The following CETN2 variants were observed in gnomAD, a reference collection of about 807,000 sequenced individuals.
CETN2 encodes the protein centrin 2.
In CETN2, 2 loss-of-function variants were observed where a neutral mutation model predicts 12.6. The ratio of observed to expected loss-of-function variants is 0.16; its 90% CI spans 0.07 to 0.50. The LOEUF (loss-of-function observed/expected upper bound fraction) is 0.50. Among genes scored for constraint, CETN2 ranks in the 20% least tolerant of loss-of-function variants. CETN2 has a pLI of 0.96. For missense variants in CETN2, 81 were observed against 128.3 expected (o/e 0.63, Z 1.78); for synonymous variants, 41 against 43.4 (o/e 0.94, Z 0.22).
Position 152,828,660 on chromosome X carries a change from A to G in CETN2, c.306T>C (p.Thr102=), listed in dbSNP as rs782715460. The G allele has an allele frequency of 6.6e-6, 8 of 1,209,494 alleles. No homozygotes were observed. Among genetic ancestry groups the G allele is most frequent in the Non-Finnish European group, 8.9e-6 (8 of 893,974 alleles). The change falls in exon 4 of 5, where the codon ACT becomes ACC. Residue 102 remains threonine (T), a synonymous_variant. Coordinates refer to ENST00000370277, the MANE Select transcript of CETN2 (RefSeq NM_004344.3). The part of the protein sequence containing the change: ...VMTQKMSEKD[T]KEEILKAFKL... The stretch of plus-strand genomic sequence containing the variant: ...TGAAAGCTTTCAGGATTTCTTCTTT[A>G]GTATCTTTCTCAGACTTAACAAGTA...
Position 152,827,840 on chromosome X carries a change from C to A in CETN2, c.*1G>T, listed in dbSNP as rs1556842797. On this transcript the variant is annotated 3_prime_UTR_variant, in exon 5 of 5. Transcript: ENST00000370277. ...TGCAGTAGAAAAAGAAGACACTGATCTTAATAGAGGCTGGTCTTTTTCATG... is the reference window on the plus strand; with the variant it reads ...TGCAGTAGAAAAAGAAGACACTGATATTAATAGAGGCTGGTCTTTTTCATG... 1 of 1,203,036 alleles carries A rather than the reference C, an allele frequency of 8.3e-7. No homozygotes were observed. Among genetic ancestry groups the A allele is most frequent in the African/African-American group, 1.7e-5 (1 of 57,567 alleles).
chrX:152,827,118 C>A lies in CETN2; in HGVS notation c.*723G>T, dbSNP rs1556842706. Reference sequence around the variant, plus strand: ...AACTATTTTTAGAGCATCATTTAGGCTTAGGTGATATAAAAATTCTGCTAG... The same window carrying A: ...AACTATTTTTAGAGCATCATTTAGGATTAGGTGATATAAAAATTCTGCTAG... On this transcript the variant is annotated 3_prime_UTR_variant, in exon 5 of 5. Transcript: ENST00000370277. 1.8e-5 allele frequency: 2 copies of A among 112,550 alleles called. No homozygotes were observed. The highest frequency in any genetic ancestry group is 6.5e-5 in the African/African-American group (2 of 30,970). 9.3% of individuals were successfully genotyped at this position (112,550 alleles called of 1,213,427 possible). A position where few individuals can be genotyped will look rare whatever the true frequency, so the allele number is the denominator to read the frequency against.
chrX:152,830,223 T>C (rs980148033), intron 1 of CETN2, among the ~76,000 whole-genome samples: 18 of 113,568 alleles, frequency 1.6e-4, no homozygotes, highest in Non-Finnish European at 1.5e-4. Flanking sequence ...ATTGTGTCAG[T>C]ACCGAGTAAT....
At chrX:152,830,606 C>T (rs1219834121) in intron 1 of CETN2, 102 bp downstream of exon 1, 4 of 997,360 alleles carry the variant, frequency 4.0e-6, no homozygotes, top group African/African-American at 3.9e-5. Flanking sequence ...AAGACTGGTG[C>T]GCTAAAGCCG....
chrX:152,829,648 A>C lies in CETN2; in HGVS notation c.116T>G (p.Leu39Arg). 8.3e-7 allele frequency: 1 copy of C among 1,203,999 alleles called. No individual in the cohort carries two copies. The highest frequency in any genetic ancestry group is 1.7e-5 in the African/African-American group (1 of 57,704). Reference protein sequence around the residue: ...QKQEIREAFDLFDADGTGTID... With the variant: ...QKQEIREAFDRFDADGTGTID... Reference sequence around the variant, plus strand: ...GGTGCCAGTTCCATCCGCATCGAAAAGATCAAAAGCTTCCCGGATCTCCTG... The same window carrying C: ...GGTGCCAGTTCCATCCGCATCGAAACGATCAAAAGCTTCCCGGATCTCCTG... Residue 39 changes from leucine to arginine, a missense_variant, in exon 2 of 5, where the codon CTT (leucine) becomes CGT (arginine). By Grantham distance (102) the Leu-to-Arg change is moderately radical. Transcript: ENST00000370277.
In CETN2 at chrX:152,827,414, TA is replaced by T. The variant is rs1253718866; in HGVS notation, c.*426del. On this transcript the variant is annotated 3_prime_UTR_variant, in exon 5 of 5. Coordinates refer to ENST00000370277, the MANE Select transcript of CETN2 (RefSeq NM_004344.3). ...CCAGTGCAGGAGTTCACTGGGTTTA[TA>T]AAAGAGAAAACTAAACTCAAGTGTC... The T allele has an allele frequency of 8.2e-6, 1 of 121,248 alleles. No homozygotes were observed. Among genetic ancestry groups the T allele is most frequent in the African/African-American group, 3.2e-5 (1 of 31,371 alleles). The allele number at this position is 121,248 out of a possible 1,213,427, so 10.0% of individuals were successfully genotyped here. A position where few individuals can be genotyped will look rare whatever the true frequency, so the allele number is the denominator to read the frequency against.
chrX:152,830,040 C>A (rs1010782797), intron 1 of CETN2, among the ~76,000 whole-genome samples: 13 of 111,775 alleles, frequency 1.2e-4, no homozygotes, highest in Non-Finnish European at 7.5e-5. Flanking sequence ...GAGAGCCAGT[C>A]AAGAAGATGA....
chrX:152,828,892 T>C, intron 3 of CETN2: 1 of 439,631 alleles, frequency 2.3e-6, no homozygotes, highest in Non-Finnish European at 3.9e-6. Flanking sequence ...TACCTATCGC[T>C]ATATCTCTCC....
At position 152,830,750 on chromosome X, in the gene CETN2, T is replaced by C; in HGVS notation, c.-40A>G. 8.7e-7 allele frequency: 1 copy of C among 1,150,086 alleles called. No homozygotes were observed. The highest frequency in any genetic ancestry group is 3.3e-4 in the Middle Eastern group (1 of 3,038). The allele number at this position is 1,150,086 out of a possible 1,213,427, so 94.8% of individuals were successfully genotyped here. ...GCTGCCGGTTGTTAGGCAACCGACG[T>C]GTACACTGACTCGGCGCCGTTCCCA... On this transcript the variant is annotated 5_prime_UTR_variant, in exon 1 of 5. Transcript: ENST00000370277.
At chrX:152,829,556 G>A (rs782226155) in intron 2 of CETN2, 46 bp downstream of exon 2, 1 of 1,147,735 alleles carries the variant, frequency 8.7e-7, no homozygotes, top group Admixed American at 2.6e-5. Context: ...ACAAGGAAGA[G>A]GCAGAGGAAA....
intron 3 of CETN2, 138 bp downstream of exon 3, chrX:152,829,011 A>C (rs1932975964): frequency 2.8e-6 from 2 of 717,553 alleles, no homozygotes; most frequent in Non-Finnish European, 4.1e-6. Flanking sequence ...CCAAAGTAAC[A>C]TGATGGGAGG....
chrX:152,829,181 C>T lies in CETN2; in HGVS notation c.259G>A (p.Gly87Ser). The T allele has an allele frequency of 5.0e-6, 6 of 1,209,491 alleles. No homozygotes were observed. Among genetic ancestry groups the T allele is most frequent in the Admixed American group, 2.2e-5 (1 of 45,727 alleles). The change falls in exon 3 of 5, where the codon GGT (glycine) becomes AGT (serine). Residue 87 changes from glycine to serine, a missense_variant. By Grantham distance (56) the Gly-to-Ser change is moderately conservative. Transcript: ENST00000370277. ...DKEGTGKMNFGDFLTVMTQKM... is the reference protein window; with the variant it reads ...DKEGTGKMNFSDFLTVMTQKM... ...TGGGTCATCACAGTTAAAAAGTCAC[C>T]AAAGTTCATTTTTCCTGTCCCTTCC...
rs781890037 is a variant in CETN2, at chrX:152,828,858, C to T, written c.292-184G>A. 6 of 459,736 alleles carry T rather than the reference C, an allele frequency of 1.3e-5. No homozygotes were observed. In the South Asian group the frequency reaches 1.9e-4, roughly 14 times the overall value. The allele number at this position is 459,736 out of a possible 1,213,427, so 37.9% of individuals were successfully genotyped here. A position where few individuals can be genotyped will look rare whatever the true frequency, so the allele number is the denominator to read the frequency against. On this transcript the variant is annotated intron_variant, in intron 3 of 4. Coordinates refer to ENST00000370277, the MANE Select transcript of CETN2 (RefSeq NM_004344.3). ...TCAAAGAAACACCAGGCAAGCCAGG[C>T]ACTCCATCCAAGGTGACGTTTGCTA...
At chrX:152,828,926 T>G (rs1932975432) in intron 3 of CETN2, 8 of 444,147 alleles carry the variant, frequency 1.8e-5, no homozygotes, top group African/African-American at 5.0e-5. Flanking sequence ...ATTTCCTAAC[T>G]GATTTGGAAT....
chrX:152,828,400 G>A, intron 4 of CETN2, 137 bp downstream of exon 4: 1 of 676,688 alleles, frequency 1.5e-6, no homozygotes, highest in South Asian at 3.0e-5. Context: ...TATTAAAGGA[G>A]AATTAAGTTG....
chrX:152,829,371 G>A, intron 2 of CETN2, 94 bp from the exon 3 acceptor site: 1 of 1,011,357 alleles, frequency 9.9e-7, no homozygotes, highest in Non-Finnish European at 1.3e-6. Flanking sequence ...ATCTGATGTG[G>A]TCATGTTAAT....
At chrX:152,829,303 A>G (rs1556843031) in intron 2 of CETN2, 26 bp from the exon 3 acceptor site, 1 of 1,164,879 alleles carries the variant, frequency 8.6e-7, no homozygotes, top group South Asian at 2.1e-5. Flanking sequence ...GATCGTCTCA[A>G]TAAGCACATC....
chrX:152,830,388 G>C (rs1932993363), intron 1 of CETN2, among the ~76,000 whole-genome samples: 1 of 113,399 alleles, frequency 8.8e-6, no homozygotes, highest in East Asian at 2.8e-4. Context: ...AGGAGGCCAG[G>C]GGGCCAAGGT....
Position 152,830,719 on chromosome X carries a change from G to A in CETN2, c.-9C>T, listed in dbSNP as rs781970083. 5.1e-6 allele frequency: 6 copies of A among 1,174,116 alleles called. No individual in the cohort carries two copies. The highest frequency in any genetic ancestry group is 3.1e-4 in the Middle Eastern group (1 of 3,204). On this transcript the variant is annotated 5_prime_UTR_variant, in exon 1 of 5. Coordinates refer to ENST00000370277, the MANE Select transcript of CETN2 (RefSeq NM_004344.3). Reference sequence around the variant, plus strand: ...GCGGCAGCACTCACCATAGCCAAAGGAGTCCGCTGCCGGTTGTTAGGCAAC... The same window carrying A: ...GCGGCAGCACTCACCATAGCCAAAGAAGTCCGCTGCCGGTTGTTAGGCAAC...
Sources: gnomAD v4.1 joint callset for allele counts (sites outside exome capture counted in the v4.1 genomes callset) on GRCh38, gnomAD v4.1.1 for gene constraint, MANE v1.5 for transcripts, NCBI Gene and HGNC (gene_info 2026-07-23, HGNC 2026-07-21) for gene names.